CSMD3: variants seen among roughly 807,000 people sequenced by gnomAD.
CSMD3 encodes CUB and Sushi multiple domains 3.
Under a neutral mutation model 435.2 loss-of-function variants are expected in CSMD3, and 177 were observed. That is an observed-to-expected ratio of 0.41 (90% confidence interval 0.36 to 0.46). The LOEUF is 0.46. CSMD3 is among the 20% of genes least tolerant of loss of function. CSMD3 has a pLI of 0.34. For synonymous variants in CSMD3, 1,656 were observed against 1,520.5 expected, an observed-to-expected ratio of 1.09 and a Z score of -2.07; for missense variants, 4,265 against 4,504.6, an observed-to-expected ratio of 0.95 and a Z score of 1.52.
chr8:113,115,999 C>T (rs2090814566), intron 4 of CSMD3, among the ~76,000 whole-genome samples: 1 of 152,138 alleles, frequency 6.6e-6, no homozygotes, highest in Non-Finnish European at 1.5e-5. Context: ...TGAAAGTAGT[C>T]CTTCACCAGA....
At position 112,921,716 on chromosome 8, in the gene CSMD3, T is replaced by C; in HGVS notation, c.1544A>G (p.Asp515Gly). 1.2e-6 allele frequency: 2 copies of C among 1,610,792 alleles called. No individual in the cohort carries two copies. The highest frequency in any genetic ancestry group is 1.7e-6 in the Non-Finnish European group (2 of 1,177,284). Residue 515 changes from aspartate (D) to glycine (G), a missense_variant, in exon 10 of 71, where the codon GAT (aspartate) becomes GGT (glycine). Asp to Gly is a moderately conservative substitution (Grantham distance 94, BLOSUM62 -1). Coordinates refer to ENST00000297405, the MANE Select transcript of CSMD3 (RefSeq NM_198123.2). ...GCTCTTTGCGCCCTGTAGGACATAA[T>C]CTTCATCACAAGAGAACTGCACAGT... is the stretch of plus-strand genomic sequence containing the variant. ...GSTVQFSCDEDYVLQGAKSIT... is the reference protein window; with the variant it reads ...GSTVQFSCDEGYVLQGAKSIT...
intron 10 of CSMD3, among the ~76,000 whole-genome samples, chr8:112,874,352 G>A (rs1050817900): frequency 1.3e-5 from 2 of 152,026 alleles, no homozygotes; most frequent in Admixed American, 6.6e-5. Context: ...TTTAAAATAA[G>A]TGTGATGTGC....
intron 1 of CSMD3, among the ~76,000 whole-genome samples, chr8:113,417,600 G>A (rs1037153881): frequency 6.6e-6 from 1 of 152,008 alleles, no homozygotes; most frequent in Non-Finnish European, 1.5e-5. Context: ...GACATACCTT[G>A]AGGAGGTGAA....
chr8:112,230,407 T>C (rs1365787020), intron 69 of CSMD3, among the ~76,000 whole-genome samples: 1 of 152,212 alleles, frequency 6.6e-6, no homozygotes, highest in Non-Finnish European at 1.5e-5. Flanking sequence ...CTCATCTTTG[T>C]CCAGGTTAAA....
intron 13 of CSMD3, among the ~76,000 whole-genome samples, chr8:112,771,930 C>T (rs929304454): frequency 7.9e-5 from 12 of 151,760 alleles, no homozygotes; most frequent in Non-Finnish European, 1.5e-4. Flanking sequence ...TGAAAGCAAC[C>T]GAATACAGTA....
chr8:112,377,860 G>A (rs1282254038), intron 38 of CSMD3, among the ~76,000 whole-genome samples: 1 of 151,824 alleles, frequency 6.6e-6, no homozygotes, highest in Non-Finnish European at 1.5e-5. Context: ...ACATAATAAA[G>A]ACCATATATG....
intron 3 of CSMD3, among the ~76,000 whole-genome samples, chr8:113,175,139 A>C (rs1487167314): frequency 6.6e-6 from 1 of 151,908 alleles, no homozygotes; most frequent in East Asian, 1.9e-4. Flanking sequence ...AATATTAAGC[A>C]AAAATATTAA....
chr8:113,245,858 T>A (rs1000492661), intron 3 of CSMD3, among the ~76,000 whole-genome samples: 2 of 152,016 alleles, frequency 1.3e-5, no homozygotes, highest in African/African-American at 2.4e-5. Flanking sequence ...TGGAAATGTA[T>A]TAATTTATTC....
At chr8:113,355,716 TTATTTTTATATATA>T (rs1350104337) in intron 1 of CSMD3, among the ~76,000 whole-genome samples, 11 of 92,210 alleles carry the variant, frequency 1.2e-4, no homozygotes, top group South Asian at 9.5e-4. Context: ...CTTAAAAGTT[TTATTTTTATATATA>T]TATATATATA....
chr8:113,060,031 T>C (rs538336930), intron 5 of CSMD3, among the ~76,000 whole-genome samples: 21 of 149,010 alleles, frequency 1.4e-4, no homozygotes, highest in Non-Finnish European at 2.2e-4. Context: ...TTAGGGTACA[T>C]GTGCACATTG....
In CSMD3 at chr8:112,265,594, T is replaced by C. The variant is rs1274720318; in HGVS notation, c.9509-4A>G. ...CCTGGGTCTCCACAACTGATTACTG[T>C]CAGTATTGGATTAGAAGAGCAGATG... On this transcript the variant is annotated splice_polypyrimidine_tract_variant and splice_region_variant and intron_variant, in intron 59 of 70. Coordinates refer to ENST00000297405, the MANE Select transcript of CSMD3 (RefSeq NM_198123.2). 1.2e-6 allele frequency: 2 copies of C among 1,607,340 alleles called. No individual in the cohort carries two copies. The highest frequency in any genetic ancestry group is 1.7e-6 in the Non-Finnish European group (2 of 1,174,094).
At chr8:112,324,004 T>C (rs538145748) in intron 45 of CSMD3, among the ~76,000 whole-genome samples, 1 of 152,194 alleles carries the variant, frequency 6.6e-6, no homozygotes, top group South Asian at 2.1e-4. Context: ...ACACATTGTC[T>C]CCCCGATTTA....
intron 61 of CSMD3, among the ~76,000 whole-genome samples, chr8:112,258,282 G>T (rs551937009): frequency 1.3e-5 from 2 of 152,224 alleles, no homozygotes; most frequent in African/African-American, 2.4e-5. Context: ...TGACAAATGG[G>T]ATCTAATTAA....
At chr8:113,089,105 C>T (rs1044125214) in intron 5 of CSMD3, among the ~76,000 whole-genome samples, 1 of 151,920 alleles carries the variant, frequency 6.6e-6, no homozygotes, top group African/African-American at 2.4e-5. Flanking sequence ...TGGCAGTGAA[C>T]CATGGACTAA....
intron 16 of CSMD3, among the ~76,000 whole-genome samples, chr8:112,674,441 G>A (rs2075727550): frequency 1.3e-5 from 2 of 152,202 alleles, no homozygotes; most frequent in South Asian, 2.1e-4. Context: ...AAGGCCAAGA[G>A]TGAGGAGAAT....
rs141705659 is a variant in CSMD3 at position 112,696,132 on chromosome 8, G to T, written c.1973-6082C>A. ...CATGGATATGAAGAATCAGTATCGT[G>T]AAAATGGCTATACTGCCCAAGGTAA... On this transcript the variant is annotated intron_variant, in intron 13 of 70. Transcript: ENST00000297405. 9.0e-3 allele frequency among the ~76,000 whole-genome samples: 1,376 copies of T among 152,254 alleles called. 17 individuals are homozygous for T. Among genetic ancestry groups the T allele is most frequent in the African/African-American group, 0.031 (1,300 of 41,554 alleles).
At chr8:112,228,247 T>C (rs150782644) in intron 70 of CSMD3, among the ~76,000 whole-genome samples, 25 of 152,230 alleles carry the variant, frequency 1.6e-4, no homozygotes, top group African/African-American at 5.3e-4. Context: ...ATCACAAATA[T>C]ATTAATTGCA....
chr8:112,256,707 G>T (rs144367144), intron 61 of CSMD3, among the ~76,000 whole-genome samples: 1 of 152,080 alleles, frequency 6.6e-6, no homozygotes. Context: ...TAAATTTAAC[G>T]ATTTTCAAAT....
chr8:113,105,569 T>C (rs2090450196), intron 4 of CSMD3, among the ~76,000 whole-genome samples: 1 of 152,170 alleles, frequency 6.6e-6, no homozygotes, highest in Non-Finnish European at 1.5e-5. Flanking sequence ...ATGTGTAAGA[T>C]GAATGGTTCC....
Sources: allele counts gnomAD v4.1 joint callset (sites outside exome capture counted in the v4.1 genomes callset), GRCh38; gene constraint gnomAD v4.1.1; transcripts MANE v1.5; gene names NCBI Gene and HGNC (gene_info 2026-07-23, HGNC 2026-07-21).